The following WDFY4 variants were observed in gnomAD, a reference collection of about 807,000 sequenced individuals.
WDFY4 encodes the protein WDFY family member 4, also known as WD repeat- and FYVE domain-containing protein 4.
A neutral mutation model predicts 351.9 loss-of-function variants in WDFY4; 169 were observed. The observed-to-expected ratio is 0.48, with a 90% CI of 0.42 to 0.55. The LOEUF is 0.55. Ranked by LOEUF, WDFY4 falls within the 20% of genes least tolerant of loss-of-function variation. The pLI is 0.00. For synonymous variants in WDFY4, 1,622 were observed against 1,574.6 expected (o/e 1.03, Z -0.71); for missense variants, 3,803 against 3,935.6 (o/e 0.97, Z 0.90).
intron 39 of WDFY4, among the ~76,000 whole-genome samples, chr10:48,851,023 A>T (rs892703453): frequency 2.0e-5 from 3 of 152,222 alleles, no homozygotes. Context: ...CTCCTTTTAA[A>T]ATCTTGATAT....
chr10:48,731,619 C>T, intron 9 of WDFY4, 57 bp downstream of exon 9: 6 of 1,489,026 alleles, frequency 4.0e-6, no homozygotes, highest in Admixed American at 2.2e-5. Flanking sequence ...CAGGCCTGAC[C>T]TTTGGGCCAA....
intron 1 of WDFY4, among the ~76,000 whole-genome samples, chr10:48,695,858 T>C (rs1340295509): frequency 6.6e-6 from 1 of 152,132 alleles, no homozygotes; most frequent in Non-Finnish European, 1.5e-5. Context: ...TAGGTACACA[T>C]ACCGAGATAC....
chr10:48,788,512 A>G lies in WDFY4; in HGVS notation c.3809-18A>G. On this transcript the variant is annotated intron_variant, in intron 20 of 61. Transcript: ENST00000325239. ...CTGTAAAGTTAGACTAGAAATGTTTAAAGATGTGTTGTTACAGGGGAGGAC... is the reference window on the plus strand; with the variant it reads ...CTGTAAAGTTAGACTAGAAATGTTTGAAGATGTGTTGTTACAGGGGAGGAC... The G allele has an allele frequency of 6.5e-7, 1 of 1,549,914 alleles. No individual in the cohort carries two copies. Among genetic ancestry groups the G allele is most frequent in the Non-Finnish European group, 8.7e-7 (1 of 1,145,842 alleles).
intron 13 of WDFY4, among the ~76,000 whole-genome samples, chr10:48,761,268 G>C (rs1480284714): frequency 6.6e-6 from 1 of 152,188 alleles, no homozygotes; most frequent in African/African-American, 2.4e-5. Flanking sequence ...GCTTCTGGGA[G>C]CCTTGCCAAT....
intron 2 of WDFY4, among the ~76,000 whole-genome samples, chr10:48,710,602 G>T (rs2063744407): frequency 6.6e-6 from 1 of 152,192 alleles, no homozygotes; most frequent in South Asian, 2.1e-4. Flanking sequence ...CTTTGGGAGG[G>T]AGGAGAAGAT....
At chr10:48,859,228 T>C (rs750692185) in intron 39 of WDFY4, among the ~76,000 whole-genome samples, 4 of 152,186 alleles carry the variant, frequency 2.6e-5, no homozygotes, top group Non-Finnish European at 5.9e-5. Flanking sequence ...TCTTGCCTTA[T>C]TGCACTGAAT....
chr10:48,864,258 G>A (rs558086964), intron 39 of WDFY4, among the ~76,000 whole-genome samples: 1 of 152,228 alleles, frequency 6.6e-6, no homozygotes, highest in East Asian at 1.9e-4. Context: ...GTTAATTTTT[G>A]TATGTTATGC....
Position 48,743,339 on chromosome 10 carries a change from T to C in WDFY4, c.2250T>C (p.Phe750=). The change falls in exon 12 of 62, where the codon TTT becomes TTC. Residue 750 remains phenylalanine (F), a synonymous_variant. Transcript: ENST00000325239. The stretch of plus-strand genomic sequence containing the variant: ...TTGCAGATTTGCTGGGCACTGCCTT[T>C]TCCTCCAGCGGCTCACTCCCACCCC... ...RPFADLLGTA[F]SSSGSLPPRI... 6.4e-7 allele frequency: 1 copy of C among 1,551,636 alleles called. No homozygotes were observed.
intron 55 of WDFY4, 151 bp from the exon 56 acceptor site, chr10:48,968,913 C>T: frequency 2.7e-6 from 2 of 734,668 alleles, no homozygotes; most frequent in African/African-American, 1.8e-5. Context: ...GTCTGCCTGT[C>T]ACTCCTGCCC....
At chr10:48,714,317 C>A (rs1287094330) in intron 2 of WDFY4, among the ~76,000 whole-genome samples, 1 of 152,154 alleles carries the variant, frequency 6.6e-6, no homozygotes, top group African/African-American at 2.4e-5. Flanking sequence ...TAAGACCTTG[C>A]CTTTTCCTTG....
At chr10:48,876,152 A>G (rs1374954230) in intron 42 of WDFY4, among the ~76,000 whole-genome samples, 1 of 152,194 alleles carries the variant, frequency 6.6e-6, no homozygotes, top group African/African-American at 2.4e-5. Flanking sequence ...AGGAGAAAAA[A>G]GGTCCTGTGG....
chr10:48,826,526 G>A, intron 35 of WDFY4, 145 bp from the exon 36 acceptor site: 2 of 608,040 alleles, frequency 3.3e-6, no homozygotes, highest in South Asian at 2.3e-5. Flanking sequence ...TAGTTTAATG[G>A]GAATAGCATT....
At chr10:48,913,958 AG>A in intron 47 of WDFY4, 1 of 1,614,202 alleles carries the variant, frequency 6.2e-7, no homozygotes, top group Non-Finnish European at 8.5e-7. Context: ...AGATGGAGTC[AG>A]GGATCTTCCT....
rs1837230147 is a variant in WDFY4 at position 48,899,072 on chromosome 10, G to T, written c.7438-1149G>T. ...TAGCAGATAGGTATCAGTCAGTGGGGTTTTTTCCCCAAGTACATGGTGATT... is the reference window on the plus strand; with the variant it reads ...TAGCAGATAGGTATCAGTCAGTGGGTTTTTTTCCCCAAGTACATGGTGATT... On this transcript the variant is annotated intron_variant, in intron 45 of 61. Transcript: ENST00000325239. 2.6e-5 allele frequency among the ~76,000 whole-genome samples: 4 copies of T among 152,288 alleles called. No individual in the cohort carries two copies. The South Asian group carries it at 6.2e-4, about 24-fold the overall frequency.
chr10:48,875,185 T>C, intron 42 of WDFY4, 45 bp downstream of exon 42: 1 of 1,096,486 alleles, frequency 9.1e-7, no homozygotes, highest in Non-Finnish European at 1.2e-6. Flanking sequence ...AAGCTAATTA[T>C]TGGTTTTATT....
chr10:48,948,162 T>C (rs1412974514), intron 51 of WDFY4, among the ~76,000 whole-genome samples: 1 of 152,216 alleles, frequency 6.6e-6, no homozygotes, highest in Admixed American at 6.5e-5. Flanking sequence ...TGTCTTCCAT[T>C]ACTTGGCGCA....
At position 48,803,318 on chromosome 10, in the gene WDFY4, C is replaced by T. The variant is rs190899387; in HGVS notation, c.4443C>T (p.Leu1481=). 9.1e-5 allele frequency: 142 copies of T among 1,551,964 alleles called. 1 individual carries two copies. In the African/African-American group the frequency reaches 1.5e-3, roughly 16 times the overall value. ...LWMNTADNLE[L]SLFSHLLEIL... ...TGAATACTGCAGACAATCTGGAGCT[C>T]AGCCTCTTTTCCCATCTTTTGGAAA... The change falls in exon 25 of 62, where the codon CTC becomes CTT. Residue 1481 remains leucine (L), a synonymous_variant. Transcript: ENST00000325239.
chr10:48,737,355 A>C (rs1350693494), intron 11 of WDFY4, among the ~76,000 whole-genome samples: 2 of 152,182 alleles, frequency 1.3e-5, no homozygotes, highest in Non-Finnish European at 2.9e-5. Flanking sequence ...TTGTTGGTGA[A>C]TTAAAAAAAA....
At chr10:48,835,428 G>A (rs1383824938) in intron 39 of WDFY4, among the ~76,000 whole-genome samples, 1 of 152,222 alleles carries the variant, frequency 6.6e-6, no homozygotes, top group Non-Finnish European at 1.5e-5. Context: ...TTGGGCAATG[G>A]CACTGAGGTG....
Sources: allele counts gnomAD v4.1 joint callset (sites outside exome capture counted in the v4.1 genomes callset), GRCh38; gene constraint gnomAD v4.1.1; transcripts MANE v1.5; gene names NCBI Gene and HGNC (gene_info 2026-07-23, HGNC 2026-07-21).